The following CNTN5 variants were observed in gnomAD, a reference collection of about 807,000 sequenced individuals.
The protein encoded by CNTN5 is contactin-5.
CNTN5 carries 77 observed loss-of-function variants against 129.1 expected under a neutral mutation model. That is an observed-to-expected ratio of 0.60 (90% CI 0.50 to 0.72). The LOEUF is 0.72. Ranked by LOEUF, CNTN5 falls within the 30% of genes least tolerant of loss-of-function variation. The probability of loss-of-function intolerance (pLI) is 0.00; values close to 1 mark genes in which losing one functional copy is unlikely to be tolerated. For synonymous variants in CNTN5, 509 were observed against 465.6 expected (o/e 1.09, Z -1.20); for missense variants, 1,478 against 1,328.8 (o/e 1.11, Z -1.75).
At chr11:99,800,789 T>G (rs1946090975) in intron 3 of CNTN5, among the ~76,000 whole-genome samples, 2 of 152,176 alleles carry the variant, frequency 1.3e-5, no homozygotes. Flanking sequence ...CCTTAAGTCT[T>G]TTACACTGAA....
At chr11:100,353,664 G>A (rs1287202889) in intron 24 of CNTN5, among the ~76,000 whole-genome samples, 1 of 151,446 alleles carries the variant, frequency 6.6e-6, no homozygotes, top group African/African-American at 2.4e-5. Flanking sequence ...GCTCACAAGT[G>A]GCTATGTGCT....
At position 99,465,204 on chromosome 11, in the gene CNTN5, C is replaced by T. The variant is rs201063851; in HGVS notation, c.-70-90941C>T. On this transcript the variant is annotated intron_variant, in intron 2 of 24. Transcript: ENST00000524871. ...TGGAAACTGGCTAATAAATACTTCA[C>T]CTATTTGTTTCCCTTCTCATTACTG... 5.9e-5 allele frequency among the ~76,000 whole-genome samples: 9 copies of T among 152,168 alleles called. No individual in the cohort carries two copies. In the East Asian group the frequency reaches 1.5e-3, roughly 26 times the overall value.
chr11:99,436,325 A>G (rs1943597726), intron 2 of CNTN5, among the ~76,000 whole-genome samples: 1 of 152,270 alleles, frequency 6.6e-6, no homozygotes, highest in South Asian at 2.1e-4. Context: ...ACATATGAAT[A>G]AATGGAGGAT....
chr11:100,348,439 T>G (rs1257562755), intron 23 of CNTN5, among the ~76,000 whole-genome samples: 3 of 152,066 alleles, frequency 2.0e-5, no homozygotes, highest in Admixed American at 1.3e-4. Flanking sequence ...AACTGATTTT[T>G]TCCCCGTCTT....
intron 16 of CNTN5, among the ~76,000 whole-genome samples, chr11:100,254,505 C>G (rs369169718): frequency 2.6e-5 from 4 of 152,196 alleles, no homozygotes; most frequent in African/African-American, 2.4e-5. Context: ...CTTTCGGTCA[C>G]CTTCCTGATA....
At chr11:99,030,516 T>A (rs964886440) in intron 1 of CNTN5, among the ~76,000 whole-genome samples, 1 of 152,120 alleles carries the variant, frequency 6.6e-6, no homozygotes, top group Non-Finnish European at 1.5e-5. Flanking sequence ...TTTTGTTTTG[T>A]TGGGCTAGAA....
At chr11:99,831,125 A>G (rs1241445677) in intron 4 of CNTN5, among the ~76,000 whole-genome samples, 1 of 152,186 alleles carries the variant, frequency 6.6e-6, no homozygotes, top group Admixed American at 6.6e-5. Flanking sequence ...CGGACCATGA[A>G]TTTTAAATCA....
chr11:99,847,902 C>T (rs1947751469), intron 6 of CNTN5, among the ~76,000 whole-genome samples: 1 of 152,032 alleles, frequency 6.6e-6, no homozygotes, highest in Non-Finnish European at 1.5e-5. Context: ...AACACAAAGG[C>T]AAGGTGAAAC....
chr11:99,586,512 C>T (rs1949799063), intron 3 of CNTN5, among the ~76,000 whole-genome samples: 1 of 152,192 alleles, frequency 6.6e-6, no homozygotes, highest in Non-Finnish European at 1.5e-5. Flanking sequence ...GAAATGCCCG[C>T]AGTCTTTGCC....
chr11:99,923,402 T>C (rs1949983096), intron 7 of CNTN5, among the ~76,000 whole-genome samples: 1 of 152,192 alleles, frequency 6.6e-6, no homozygotes, highest in African/African-American at 2.4e-5. Context: ...TGTGAAAATG[T>C]AGAAATAGCC....
At chr11:99,318,050 A>G in intron 1 of CNTN5, among the ~76,000 whole-genome samples, 1 of 152,190 alleles carries the variant, frequency 6.6e-6, no homozygotes, top group South Asian at 2.1e-4. Flanking sequence ...GTCTTTAATG[A>G]CATTTCAAAC....
intron 2 of CNTN5, among the ~76,000 whole-genome samples, chr11:99,448,742 T>TTTA (rs1224962034): frequency 7.1e-6 from 1 of 141,626 alleles, no homozygotes; most frequent in African/African-American, 2.6e-5. Flanking sequence ...TTTATTTTAT[T>TTTA]TTATTTTATT....
chr11:99,998,763 A>T (rs1302542307), intron 8 of CNTN5, among the ~76,000 whole-genome samples: 2 of 150,070 alleles, frequency 1.3e-5, no homozygotes, highest in Admixed American at 1.4e-4. Context: ...ATATACTACA[A>T]GGCTACAGTA....
At chr11:100,020,347 A>G (rs1381884423) in intron 9 of CNTN5, among the ~76,000 whole-genome samples, 1 of 152,042 alleles carries the variant, frequency 6.6e-6, no homozygotes, top group Non-Finnish European at 1.5e-5. Context: ...TTCACCTGCA[A>G]GTGAATATCT....
At chr11:99,659,251 A>C (rs909027030) in intron 3 of CNTN5, among the ~76,000 whole-genome samples, 9 of 149,430 alleles carry the variant, frequency 6.0e-5, no homozygotes, top group African/African-American at 2.3e-4. Context: ...GAAAAAGGGA[A>C]AAAAATTATG....
In CNTN5 at chr11:99,092,035, A is replaced by G. The variant is rs533470434; in HGVS notation, c.-210+70765A>G. 1.9e-3 allele frequency among the ~76,000 whole-genome samples: 292 copies of G among 152,290 alleles called. 1 individual carries two copies. Among genetic ancestry groups the G allele is most frequent in the African/African-American group, 6.4e-3 (268 of 41,568 alleles). ...CTGGAATATATTAAGTGGTGTATTA[A>G]TAATGATTTTTCTTCCCCAATTTTG... is the stretch of plus-strand genomic sequence containing the variant. On this transcript the variant is annotated intron_variant, in intron 1 of 24. Coordinates refer to ENST00000524871, the MANE Select transcript of CNTN5 (RefSeq NM_014361.4).
At chr11:100,175,672 C>A (rs1947943775) in intron 13 of CNTN5, among the ~76,000 whole-genome samples, 2 of 152,080 alleles carry the variant, frequency 1.3e-5, no homozygotes, top group African/African-American at 2.4e-5. Flanking sequence ...TAGGGTTCTG[C>A]CACTTGCTAA....
intron 3 of CNTN5, among the ~76,000 whole-genome samples, chr11:99,814,871 C>T (rs1191089723): frequency 1.3e-5 from 2 of 152,100 alleles, no homozygotes; most frequent in Non-Finnish European, 2.9e-5. Context: ...CTCCATGTGG[C>T]TAGCGTGGCC....
chr11:99,406,849 C>T (rs77997989), intron 2 of CNTN5, among the ~76,000 whole-genome samples: 4,274 of 152,206 alleles, frequency 0.028, 191 homozygotes, highest in African/African-American at 0.096. Context: ...TCAGACTCAT[C>T]GGGAGTACTG....
Sources: gnomAD v4.1 joint callset for allele counts (sites outside exome capture counted in the v4.1 genomes callset) on GRCh38, gnomAD v4.1.1 for gene constraint, MANE v1.5 for transcripts, NCBI Gene and HGNC (gene_info 2026-07-23, HGNC 2026-07-21) for gene names.